Variants in NEUROD6 observed in about 807,000 individuals in gnomAD.
The protein encoded by NEUROD6 is neuronal differentiation 6.
A neutral mutation model predicts 24.1 loss-of-function variants in NEUROD6; 5 were observed. The observed-to-expected ratio is 0.21, with a 90% CI of 0.11 to 0.44. The LOEUF is 0.44. Ranked by LOEUF, NEUROD6 falls within the 20% of genes least tolerant of loss-of-function variation. The probability of loss-of-function intolerance (pLI) is 0.99; values close to 1 mark genes in which losing one functional copy is unlikely to be tolerated. For synonymous variants in NEUROD6, 182 were observed against 154.1 expected (o/e 1.18, Z -1.34); for missense variants, 325 against 409.5 (o/e 0.79, Z 1.78).
rs1455618225 is a variant in NEUROD6 at position 31,338,161 on chromosome 7, A to G, written c.*94T>C. 5 of 955,816 alleles carry G rather than the reference A, an allele frequency of 5.2e-6. No homozygotes were observed. The highest frequency in any genetic ancestry group is 7.8e-6 in the Non-Finnish European group (5 of 638,300). 59.2% of individuals were successfully genotyped at this position (955,816 alleles called of 1,614,324 possible). ...CTTCAGAAACTAGTAAACACCTTAG[A>G]TAGAGTTGTGCCAATTACTCAGCCC... On this transcript the variant is annotated 3_prime_UTR_variant, in exon 2 of 2. Coordinates refer to ENST00000297142, the MANE Select transcript of NEUROD6 (RefSeq NM_022728.4). This position sits in a 1 kb window ranked among gnomAD's most constrained non-coding sequence, Gnocchi z 5.1.
rs899994975 is a variant in NEUROD6 at position 31,337,568 on chromosome 7, T to C, written c.*687A>G. The C allele has an allele frequency of 2.0e-5, 3 of 152,724 alleles. No individual in the cohort carries two copies. In the East Asian group the frequency reaches 5.8e-4, roughly 29 times the overall value. The allele number at this position is 152,724 out of a possible 1,614,324, so 9.5% of individuals were successfully genotyped here. ...ACCTGTACAGTTAATTTCTGAATAA[T>C]ACAAAACAAGTGCTGAAATTTTTTT... On this transcript the variant is annotated 3_prime_UTR_variant, in exon 2 of 2. Coordinates refer to ENST00000297142, the MANE Select transcript of NEUROD6 (RefSeq NM_022728.4).
rs1783077133 is a variant in NEUROD6 at position 31,337,676 on chromosome 7, G to A, written c.*579C>T. ...TGCCCCATCTGCAAATACTTGAAGA[G>A]GAATAGTTACCAATTGAATGCATTT... On this transcript the variant is annotated 3_prime_UTR_variant, in exon 2 of 2. Transcript: ENST00000297142. 6.6e-6 allele frequency: 1 copy of A among 152,550 alleles called. No individual in the cohort carries two copies. Among genetic ancestry groups the A allele is most frequent in the African/African-American group, 2.4e-5 (1 of 41,396 alleles). 9.4% of individuals were successfully genotyped at this position (152,550 alleles called of 1,614,324 possible).
Position 31,338,773 on chromosome 7 carries a change from A to G in NEUROD6, c.496T>C (p.Cys166Arg). The G allele has an allele frequency of 1.9e-6, 3 of 1,614,170 alleles. No homozygotes were observed. Among genetic ancestry groups the G allele is most frequent in the Non-Finnish European group, 2.5e-6 (3 of 1,180,030 alleles). ...GTAGTTGGCTGGGAAAGACCTTTGC[A>G]TAAGTTTTGGACGAATGTGAGCAGA... ...PDLLTFVQNL[C>R]KGLSQPTTNL... Residue 166 changes from cysteine to arginine, a missense_variant, in exon 2 of 2, where the codon TGC becomes CGC. Coordinates refer to ENST00000297142, the MANE Select transcript of NEUROD6 (RefSeq NM_022728.4). This position sits in a 1 kb window ranked among gnomAD's most constrained non-coding sequence, Gnocchi z 5.1.
rs1783089805 is a variant in NEUROD6, at chr7:31,338,366, C to T, written c.903G>A (p.Gly301=). 6.2e-7 allele frequency: 1 copy of T among 1,614,012 alleles called. No individual in the cohort carries two copies. Among genetic ancestry groups the T allele is most frequent in the African/African-American group, 1.3e-5 (1 of 74,926 alleles). ...YCAVPPRGPL[G]QGAMFRLPTD... is the part of the protein sequence containing the mutation. ...TGGGCAACCTGAACATGGCACCCTG[C>T]CCAAGGGGACCCCTGGGTGGCACTG... The change falls in exon 2 of 2, where the codon GGG becomes GGA. Residue 301 remains glycine, a synonymous_variant. Coordinates refer to ENST00000297142, the MANE Select transcript of NEUROD6 (RefSeq NM_022728.4). The surrounding 1 kb of genome is among the most constrained non-coding windows in gnomAD (Gnocchi z 5.1).
Position 31,338,730 on chromosome 7 carries a change from C to T in NEUROD6, c.539G>A (p.Cys180Tyr), listed in dbSNP as rs1454698022. Residue 180 changes from cysteine (C) to tyrosine (Y), a missense_variant, in exon 2 of 2, where the codon TGC becomes TAC. Physicochemically the swap from Cys to Tyr is radical, Grantham distance 194 (BLOSUM62 -2). This residue lies in a region of NEUROD6 where 175 missense variants were observed against 201.3 expected (regional missense o/e 0.87). Transcript: ENST00000297142. The surrounding 1 kb of genome is among the most constrained non-coding windows in gnomAD (Gnocchi z 5.1). ...SQPTTNLVAG[C>Y]LQLNARSFLM... The stretch of plus-strand genomic sequence containing the variant: ...GAAACTCCTGGCGTTGAGCTGCAAG[C>T]AGCCTGCCACCAAGTTTGTAGTTGG... 3.1e-6 allele frequency: 5 copies of T among 1,614,004 alleles called. No individual in the cohort carries two copies. The African/African-American group carries it at 4.0e-5, about 13-fold the overall frequency.
chr7:31,339,567 C>T (rs955554666), intron 1 of NEUROD6, among the ~76,000 whole-genome samples: 5 of 152,202 alleles, frequency 3.3e-5, no homozygotes, highest in African/African-American at 7.2e-5. Context: ...CTACATTTCT[C>T]TTTGCCTTTA....
Position 31,339,751 on chromosome 7 carries a change from AAAAC to A in NEUROD6, c.-21-466_-21-463del, listed in dbSNP as rs142835164. The stretch of plus-strand genomic sequence containing the variant: ...GCTGACAAATTTGTGTTCTTTTTTT[AAAAC>A]AAACAAACAAACAAACAAAACCTTA... On this transcript the variant is annotated intron_variant, in intron 1 of 1. Transcript: ENST00000297142. Among the ~76,000 whole-genome samples, 605 of 151,900 alleles carry A rather than the reference AAAAC, an allele frequency of 4.0e-3. 6 individuals are homozygous for A. The highest frequency in any genetic ancestry group is 0.011 in the African/African-American group (476 of 41,484).
Position 31,339,082 on chromosome 7 carries a change from C to G in NEUROD6, c.187G>C (p.Glu63Gln), listed in dbSNP as rs747458799. 6.2e-7 allele frequency: 1 copy of G among 1,613,456 alleles called. No individual in the cohort carries two copies. Among genetic ancestry groups the G allele is most frequent in the South Asian group, 1.1e-5 (1 of 91,054 alleles). The change falls in exon 2 of 2, where the codon GAA becomes CAA. Residue 63 changes from glutamate to glutamine, a missense_variant. Coordinates refer to ENST00000297142, the MANE Select transcript of NEUROD6 (RefSeq NM_022728.4). ...GEETEKEEEE[E>Q]DREEEDENGL... ...TTTTCATCTTCCTCTTCCCTGTCTTCCTCCTCTTCTTCTTTCTCGGTTTCT... is the reference window on the plus strand; with the variant it reads ...TTTTCATCTTCCTCTTCCCTGTCTTGCTCCTCTTCTTCTTTCTCGGTTTCT...
chr7:31,338,889 G>A lies in NEUROD6; in HGVS notation c.380C>T (p.Thr127Ile). 1.2e-6 allele frequency: 2 copies of A among 1,614,168 alleles called. No individual in the cohort carries two copies. The highest frequency in any genetic ancestry group is 1.7e-6 in the Non-Finnish European group (2 of 1,180,044). The stretch of plus-strand genomic sequence containing the variant: ...AGTCTCTATTTTGGACAGTTTCTGG[G>A]TTTTAGAATAACAGGGGACCACTTT... ...LRKVVPCYSKTQKLSKIETLR... is the reference protein window; with the variant it reads ...LRKVVPCYSKIQKLSKIETLR... Residue 127 changes from threonine to isoleucine, a missense_variant, in exon 2 of 2, where the codon ACC (threonine) becomes ATC (isoleucine). Physicochemically the swap from Thr to Ile is moderately conservative, Grantham distance 89. This residue lies in a region of NEUROD6 where 41 missense variants were observed against 100.9 expected (regional missense o/e 0.41). Transcript: ENST00000297142. The surrounding 1 kb of genome is among the most constrained non-coding windows in gnomAD (Gnocchi z 5.1).
chr7:31,338,525 G>A lies in NEUROD6; in HGVS notation c.744C>T (p.Ser248=). 2 of 1,614,138 alleles carry A rather than the reference G, an allele frequency of 1.2e-6. No homozygotes were observed. The highest frequency in any genetic ancestry group is 2.7e-5 in the African/African-American group (2 of 75,018). The change falls in exon 2 of 2, where the codon TCC becomes TCT. Residue 248 remains serine (S), a synonymous_variant. Coordinates refer to ENST00000297142, the MANE Select transcript of NEUROD6 (RefSeq NM_022728.4). This position sits in a 1 kb window ranked among gnomAD's most constrained non-coding sequence, Gnocchi z 5.1. The part of the protein sequence containing the change: ...SAYESFYEST[S]PECASPQFEG... ...CAAACTGAGGGCTGGCACACTCAGG[G>A]GAAGTACTTTCATAGAAGGATTCAT... is the stretch of plus-strand genomic sequence containing the variant.
At position 31,339,071 on chromosome 7, in the gene NEUROD6, T is replaced by C. The variant is rs778491239; in HGVS notation, c.198A>G (p.Glu66=). Reference sequence around the variant, plus strand: ...TAGGCAACCCATTTTCATCTTCCTCTTCCCTGTCTTCCTCCTCTTCTTCTT... The same window carrying C: ...TAGGCAACCCATTTTCATCTTCCTCCTCCCTGTCTTCCTCCTCTTCTTCTT... ...TEKEEEEEDR[E]EEDENGLPRR... The change falls in exon 2 of 2, where the codon GAA becomes GAG. Residue 66 remains glutamate, a synonymous_variant. Transcript: ENST00000297142. 1.2e-6 allele frequency: 2 copies of C among 1,614,076 alleles called. No homozygotes were observed. The highest frequency in any genetic ancestry group is 1.7e-6 in the Non-Finnish European group (2 of 1,180,018).
At position 31,339,387 on chromosome 7, in the gene NEUROD6, C is replaced by A. The variant is rs530964935; in HGVS notation, c.-21-98G>T. The A allele has an allele frequency of 4.9e-5, 48 of 983,360 alleles. No homozygotes were observed. The African/African-American group carries it at 6.0e-4, about 12-fold the overall frequency. The allele number at this position is 983,360 out of a possible 1,614,324, so 60.9% of individuals were successfully genotyped here. On this transcript the variant is annotated intron_variant, in intron 1 of 1. Coordinates refer to ENST00000297142, the MANE Select transcript of NEUROD6 (RefSeq NM_022728.4). Reference sequence around the variant, plus strand: ...ATTTAATCATAAGATTACAAAAACACGTGAAAAAGACTGATTCTGGGCCTG... The same window carrying A: ...ATTTAATCATAAGATTACAAAAACAAGTGAAAAAGACTGATTCTGGGCCTG...
chr7:31,339,079 C>T lies in NEUROD6; in HGVS notation c.190G>A (p.Asp64Asn). Residue 64 changes from aspartate to asparagine, a missense_variant, in exon 2 of 2, where the codon GAC becomes AAC. Coordinates refer to ENST00000297142, the MANE Select transcript of NEUROD6 (RefSeq NM_022728.4). Reference sequence around the variant, plus strand: ...CCATTTTCATCTTCCTCTTCCCTGTCTTCCTCCTCTTCTTCTTTCTCGGTT... The same window carrying T: ...CCATTTTCATCTTCCTCTTCCCTGTTTTCCTCCTCTTCTTCTTTCTCGGTT... Reference protein sequence around the residue: ...EETEKEEEEEDREEEDENGLP... With the variant: ...EETEKEEEEENREEEDENGLP... The T allele has an allele frequency of 1.2e-6, 2 of 1,612,998 alleles. No homozygotes were observed. Among genetic ancestry groups the T allele is most frequent in the South Asian group, 2.2e-5 (2 of 91,048 alleles).
In NEUROD6 at chr7:31,339,161, G is replaced by A. The variant is rs766267306; in HGVS notation, c.108C>T (p.Ser36=). The A allele has an allele frequency of 1.2e-6, 2 of 1,613,894 alleles. No individual in the cohort carries two copies. Among genetic ancestry groups the A allele is most frequent in the South Asian group, 2.2e-5 (2 of 91,062 alleles). ...EDQKQIKKPE[S]FSKQIVLRGK... ...CTCGAAGGACAATCTGTTTGGAAAA[G>A]CTTTCTGGCTTCTTAATTTGCTTCT... Residue 36 remains serine, a synonymous_variant, in exon 2 of 2, where the codon AGC becomes AGT. Transcript: ENST00000297142.
chr7:31,337,955 T>C lies in NEUROD6; in HGVS notation c.*300A>G, dbSNP rs1783084573. ...CTGTGTGCATGTCTTTATTCAACAG[T>C]ATATTCTTAGACACCTTGTTCAAAC... is the stretch of plus-strand genomic sequence containing the variant. On this transcript the variant is annotated 3_prime_UTR_variant, in exon 2 of 2. Transcript: ENST00000297142. The C allele has an allele frequency of 6.2e-6, 2 of 320,368 alleles. No individual in the cohort carries two copies. Among genetic ancestry groups the C allele is most frequent in the East Asian group, 6.2e-5 (1 of 16,220 alleles). The allele number at this position is 320,368 out of a possible 1,614,324, so 19.8% of individuals were successfully genotyped here. A position where few individuals can be genotyped will look rare whatever the true frequency, so the allele number is the denominator to read the frequency against.
Position 31,338,724 on chromosome 7 carries a change from T to C in NEUROD6, c.545A>G (p.Gln182Arg), listed in dbSNP as rs1196215930. The change falls in exon 2 of 2, where the codon CAG becomes CGG. Residue 182 changes from glutamine (Q) to arginine (R), a missense_variant. This residue lies in a region of NEUROD6 where 175 missense variants were observed against 201.3 expected (regional missense o/e 0.87). Transcript: ENST00000297142. The surrounding 1 kb of genome is among the most constrained non-coding windows in gnomAD (Gnocchi z 5.1). ...PTTNLVAGCL[Q>R]LNARSFLMGQ... ...CATCAGGAAACTCCTGGCGTTGAGC[T>C]GCAAGCAGCCTGCCACCAAGTTTGT... is the stretch of plus-strand genomic sequence containing the variant. 6.2e-7 allele frequency: 1 copy of C among 1,614,104 alleles called. No homozygotes were observed.
chr7:31,339,660 T>C (rs938187810), intron 1 of NEUROD6, among the ~76,000 whole-genome samples: 4 of 152,222 alleles, frequency 2.6e-5, no homozygotes, highest in African/African-American at 9.6e-5. Context: ...ATTTCATTAA[T>C]TCCAATTCCC....
chr7:31,338,728 A>G lies in NEUROD6; in HGVS notation c.541T>C (p.Leu181=), dbSNP rs1248358681. The G allele has an allele frequency of 6.2e-7, 1 of 1,614,120 alleles. No homozygotes were observed. The highest frequency in any genetic ancestry group is 8.5e-7 in the Non-Finnish European group (1 of 1,180,030). The change falls in exon 2 of 2, where the codon TTG becomes CTG. Residue 181 remains leucine, a synonymous_variant. Transcript: ENST00000297142. This position sits in a 1 kb window ranked among gnomAD's most constrained non-coding sequence, Gnocchi z 5.1. ...AGGAAACTCCTGGCGTTGAGCTGCAAGCAGCCTGCCACCAAGTTTGTAGTT... is the reference window on the plus strand; with the variant it reads ...AGGAAACTCCTGGCGTTGAGCTGCAGGCAGCCTGCCACCAAGTTTGTAGTT... The part of the protein sequence containing the change: ...QPTTNLVAGC[L]QLNARSFLMG...
At position 31,338,614 on chromosome 7, in the gene NEUROD6, G is replaced by A. The variant is rs1440481927; in HGVS notation, c.655C>T (p.Pro219Ser). 6 of 1,613,878 alleles carry A rather than the reference G, an allele frequency of 3.7e-6. No homozygotes were observed. The highest frequency in any genetic ancestry group is 4.2e-6 in the Non-Finnish European group (5 of 1,179,914). The change falls in exon 2 of 2, where the codon CCC (proline) becomes TCC (serine). Residue 219 changes from proline to serine, a missense_variant. Around this residue, in one of 3 missense-constraint regions of NEUROD6, gnomAD observed 175 missense variants for 201.3 expected, o/e 0.87. Transcript: ENST00000297142. The surrounding 1 kb of genome is among the most constrained non-coding windows in gnomAD (Gnocchi z 5.1). ...TTATCAAGAGTCCCATGCCCTGGGG[G>A]AGTGGTGAGCTCAGGGCTGTGGTAG... ...PPYHSPELTT[P>S]PGHGTLDNSK...
Sources: gnomAD v4.1 joint callset for allele counts (sites outside exome capture counted in the v4.1 genomes callset) on GRCh38, gnomAD v4.1.1 for gene constraint, gnomAD v4.1.1 regional missense constraint, Gnocchi (gnomAD v3.1) non-coding constraint, MANE v1.5 for transcripts, NCBI Gene and HGNC (gene_info 2026-07-23, HGNC 2026-07-21) for gene names.